Variants in SNX3 observed in about 807,000 individuals in gnomAD.
SNX3 encodes sorting nexin-3.
A neutral mutation model predicts 17.7 loss-of-function variants in SNX3; 5 were observed. That is an observed-to-expected ratio of 0.28 (90% CI 0.15 to 0.59). The LOEUF (loss-of-function observed/expected upper bound fraction) is 0.59, where lower values mean the gene tolerates loss of function less well. Ranked by LOEUF, SNX3 falls within the 20% of genes least tolerant of loss-of-function variation. SNX3 has a pLI of 0.88. For missense variants in SNX3, 132 were observed against 206.8 expected (o/e 0.64, Z 2.22); for synonymous variants, 91 against 76.5 (o/e 1.19, Z -0.99).
chr6:108,227,324 G>A (rs893468660), intron 1 of SNX3, among the ~76,000 whole-genome samples: 1 of 152,148 alleles, frequency 6.6e-6, no homozygotes, highest in Non-Finnish European at 1.5e-5. Context: ...TCAAGCTTGC[G>A]AAAAGAGTCC....
At chr6:108,259,849 A>C (rs1387478516) in intron 1 of SNX3, among the ~76,000 whole-genome samples, 2 of 151,942 alleles carry the variant, frequency 1.3e-5, no homozygotes, top group African/African-American at 4.9e-5. Flanking sequence ...ATCGCTTTAC[A>C]CTTAACTTTT....
intron 2 of SNX3, among the ~76,000 whole-genome samples, chr6:108,216,547 T>C (rs1774584026): frequency 6.6e-6 from 1 of 152,144 alleles, no homozygotes; most frequent in Non-Finnish European, 1.5e-5. Context: ...GACCAACCAC[T>C]TAGCTGGATC....
At chr6:108,241,756 G>A (rs545429941) in intron 1 of SNX3, among the ~76,000 whole-genome samples, 3 of 152,128 alleles carry the variant, frequency 2.0e-5, no homozygotes, top group Non-Finnish European at 4.4e-5. Context: ...TCTCTACAAC[G>A]TATTATCTAA....
chr6:108,260,705 G>A lies in SNX3; in HGVS notation c.162+55C>T, dbSNP rs868123637. ...GGGGGTCCACTCCCGGGTCGAGTGG[G>A]GGTGACCAGAGCCAGCGGGAGGGGT... On this transcript the variant is annotated intron_variant, in intron 1 of 3. Coordinates refer to ENST00000230085, the MANE Select transcript of SNX3 (RefSeq NM_003795.6). The A allele has an allele frequency of 1.7e-5, 28 of 1,603,540 alleles. 1 individual carries two copies. The Middle Eastern group carries it at 3.8e-3, about 219-fold the overall frequency.
At chr6:108,245,720 A>T (rs116216826) in intron 1 of SNX3, among the ~76,000 whole-genome samples, 67 of 152,272 alleles carry the variant, frequency 4.4e-4, no homozygotes, top group African/African-American at 1.5e-3. Flanking sequence ...GAGCTTTTTT[A>T]AAATTGTTTG....
At chr6:108,246,783 G>A (rs970504307) in intron 1 of SNX3, among the ~76,000 whole-genome samples, 7 of 151,936 alleles carry the variant, frequency 4.6e-5, no homozygotes, top group Non-Finnish European at 7.4e-5. Flanking sequence ...TCATAACTCA[G>A]TGCAGATTCT....
intron 3 of SNX3, among the ~76,000 whole-genome samples, chr6:108,214,209 T>C (rs976327596): frequency 7.9e-5 from 12 of 152,212 alleles, no homozygotes; most frequent in African/African-American, 2.9e-4. Flanking sequence ...GAATCATAAG[T>C]AAAACTGTAT....
At chr6:108,240,782 C>T (rs1775491935) in intron 1 of SNX3, among the ~76,000 whole-genome samples, 1 of 152,150 alleles carries the variant, frequency 6.6e-6, no homozygotes, top group South Asian at 2.1e-4. Context: ...AACCAGCAGA[C>T]TTACCAGAAG....
rs553284490 is a variant in SNX3, at chr6:108,239,659, T to C, written c.163-16614A>G. ...ATTCAAAAGAGAAGAATTAAGTAAC[T>C]TGTTCAAGGTCACATGTCCATTAAC... On this transcript the variant is annotated intron_variant, in intron 1 of 3. Coordinates refer to ENST00000230085, the MANE Select transcript of SNX3 (RefSeq NM_003795.6). 5.9e-5 allele frequency among the ~76,000 whole-genome samples: 9 copies of C among 152,338 alleles called. No individual in the cohort carries two copies. The South Asian group carries it at 1.2e-3, about 21-fold the overall frequency.
intron 1 of SNX3, among the ~76,000 whole-genome samples, chr6:108,243,736 C>T (rs892131559): frequency 6.6e-6 from 1 of 152,122 alleles, no homozygotes; most frequent in East Asian, 1.9e-4. Context: ...AGTTTGAGAC[C>T]AGCCTGGTCA....
chr6:108,260,702 T>C (rs1165079806), intron 1 of SNX3, 58 bp downstream of exon 1: 1 of 1,598,554 alleles, frequency 6.3e-7, no homozygotes, highest in African/African-American at 1.4e-5. Flanking sequence ...CCGGGTCGAG[T>C]GGGGGTGACC....
chr6:108,239,890 TAA>T (rs938372682), intron 1 of SNX3, among the ~76,000 whole-genome samples: 9 of 152,282 alleles, frequency 5.9e-5, no homozygotes, highest in Admixed American at 4.6e-4. Context: ...AAACACTGCA[TAA>T]AAAGTGTTTC....
In SNX3 at chr6:108,212,214, G is replaced by T; in HGVS notation, c.424C>A (p.His142Asn). The change falls in exon 4 of 4, where the codon CAC becomes AAC. Residue 142 changes from histidine (H) to asparagine (N), a missense_variant. Transcript: ENST00000230085. ...HPLAQNERCL[H>N]MFLQDEIIDK... ...ATTATTTCATCTTGTAAAAACATGT[G>T]AAGACAACGTTCGTTCTGTGCCAGA... 6.2e-7 allele frequency: 1 copy of T among 1,611,424 alleles called. No homozygotes were observed. Among genetic ancestry groups the T allele is most frequent in the Non-Finnish European group, 8.5e-7 (1 of 1,179,028 alleles).
At chr6:108,237,560 C>T (rs1010874842) in intron 1 of SNX3, among the ~76,000 whole-genome samples, 4 of 152,074 alleles carry the variant, frequency 2.6e-5, no homozygotes, top group Admixed American at 6.6e-5. Context: ...CCGAGGCAGG[C>T]GGATCGATCA....
At chr6:108,247,026 G>A (rs970156622) in intron 1 of SNX3, among the ~76,000 whole-genome samples, 1 of 152,128 alleles carries the variant, frequency 6.6e-6, no homozygotes, top group Non-Finnish European at 1.5e-5. Flanking sequence ...TAATCCCCAC[G>A]TGTAAACCCC....
At chr6:108,260,573 C>G (rs995034671) in intron 1 of SNX3, among the ~76,000 whole-genome samples, 187 bp downstream of exon 1, 4 of 152,160 alleles carry the variant, frequency 2.6e-5, no homozygotes, top group Non-Finnish European at 5.9e-5. Context: ...GCGCCGGGCT[C>G]GCTCTGCAGC....
intron 1 of SNX3, among the ~76,000 whole-genome samples, chr6:108,239,557 T>C (rs1251600386): frequency 1.3e-5 from 2 of 152,246 alleles, no homozygotes; most frequent in African/African-American, 4.8e-5. Context: ...TATCACTTAC[T>C]GAATACTTAA....
At chr6:108,258,939 G>A (rs1776108484) in intron 1 of SNX3, among the ~76,000 whole-genome samples, 1 of 152,134 alleles carries the variant, frequency 6.6e-6, no homozygotes, top group East Asian at 1.9e-4. Flanking sequence ...CTCAAAGTAA[G>A]TGGAGGAAGT....
intron 1 of SNX3, among the ~76,000 whole-genome samples, chr6:108,246,313 CTTTTTTTTTTTTTTTT>C (rs71015538): frequency 6.3e-5 from 3 of 47,972 alleles, no homozygotes; most frequent in Admixed American, 3.0e-4. Context: ...TTTGAGCATT[CTTTTTTTTTTTTTTTT>C]TTTTTTTTTT....
Sources: gnomAD v4.1 joint callset for allele counts (sites outside exome capture counted in the v4.1 genomes callset) on GRCh38, gnomAD v4.1.1 for gene constraint, MANE v1.5 for transcripts, NCBI Gene and HGNC (gene_info 2026-07-23, HGNC 2026-07-21) for gene names.